Variants in LPCAT2 observed in about 807,000 individuals in gnomAD.
The protein encoded by LPCAT2 is lysophosphatidylcholine acyltransferase 2, also known as 1-AGP acyltransferase 11.
A neutral mutation model predicts 64.7 loss-of-function variants in LPCAT2; 58 were observed. The observed-to-expected ratio is 0.90, with a 90% CI of 0.73 to 1.12. The LOEUF (loss-of-function observed/expected upper bound fraction) is 1.12. Among genes scored for constraint, LPCAT2 ranks in the 50% most tolerant of loss-of-function variants. LPCAT2 has a pLI of 0.00. For missense variants in LPCAT2, 579 were observed against 669.8 expected (o/e 0.86, Z 1.50); for synonymous variants, 252 against 245.3 (o/e 1.03, Z -0.26).
chr16:55,550,687 A>C (rs2142399497), intron 10 of LPCAT2, among the ~76,000 whole-genome samples: 1 of 152,306 alleles, frequency 6.6e-6, no homozygotes. Context: ...AGGCCGAGGC[A>C]GGCGGATCAC....
intron 8 of LPCAT2, chr16:55,539,247 C>CTTTTTTTTTTTTTTTTTTTTTTT (rs11314938): frequency 7.3e-6 from 1 of 136,196 alleles, no homozygotes; most frequent in South Asian, 2.3e-4. Flanking sequence ...TCATGGCTTT[C>CTTTTTTTTTTTTTTTTTTTTTTT]TTTTTTTTTT....
chr16:55,559,870 A>G (rs1963617482), intron 11 of LPCAT2, among the ~76,000 whole-genome samples: 1 of 151,484 alleles, frequency 6.6e-6, no homozygotes, highest in African/African-American at 2.4e-5. Context: ...ATGTCTGAGT[A>G]TTTCCCTATT....
intron 11 of LPCAT2, chr16:55,567,629 A>G (rs1963721402): frequency 2.2e-6 from 2 of 924,048 alleles, no homozygotes; most frequent in Admixed American, 2.5e-5. Context: ...ACAACCCTAC[A>G]TATTTCTGAT....
intron 7 of LPCAT2, 65 bp from the exon 8 acceptor site, chr16:55,537,513 G>A (rs1399281529): frequency 1.6e-6 from 2 of 1,283,986 alleles, no homozygotes; most frequent in African/African-American, 1.5e-5. Context: ...AGAAATGATT[G>A]TTGAATAATA....
intron 1 of LPCAT2, among the ~76,000 whole-genome samples, chr16:55,512,365 CA>C (rs2142386011): frequency 6.6e-6 from 1 of 152,244 alleles, no homozygotes; most frequent in Non-Finnish European, 1.5e-5. Flanking sequence ...TAGAGCAACA[CA>C]AATCAGACAG....
chr16:55,583,115 A>G lies in LPCAT2; in HGVS notation c.*17A>G, dbSNP rs1365937728. ...GATGACTGAAAGCAGTATTTCCAAT[A>G]AGGAAAACACAGTAGCTTTTGCTTG... On this transcript the variant is annotated 3_prime_UTR_variant, in exon 14 of 14. Coordinates refer to ENST00000262134, the MANE Select transcript of LPCAT2 (RefSeq NM_017839.5). The G allele has an allele frequency of 6.2e-7, 1 of 1,600,784 alleles. No homozygotes were observed. Among genetic ancestry groups the G allele is most frequent in the African/African-American group, 1.3e-5 (1 of 74,542 alleles).
chr16:55,570,419 T>C (rs1412641105), intron 11 of LPCAT2, among the ~76,000 whole-genome samples: 1 of 151,990 alleles, frequency 6.6e-6, no homozygotes, highest in Non-Finnish European at 1.5e-5. Context: ...AGCCCAGTAG[T>C]TCAAGACTAG....
intron 11 of LPCAT2, chr16:55,566,632 C>T (rs1206627087): frequency 1.8e-5 from 17 of 956,696 alleles, no homozygotes; most frequent in Non-Finnish European, 2.4e-5. Context: ...CATCATGGGG[C>T]GTGGTGCAGT....
At chr16:55,545,994 C>T (rs778193501) in intron 9 of LPCAT2, among the ~76,000 whole-genome samples, 177 bp downstream of exon 9, 1 of 152,034 alleles carries the variant, frequency 6.6e-6, no homozygotes. Context: ...TAAGTATTTT[C>T]CCCAGCTGCA....
chr16:55,574,417 A>G (rs1202523387), intron 11 of LPCAT2, among the ~76,000 whole-genome samples: 2 of 152,184 alleles, frequency 1.3e-5, no homozygotes, highest in Non-Finnish European at 2.9e-5. Flanking sequence ...CCAGTCATAA[A>G]AAGTTTATAT....
rs754089996 is a variant in LPCAT2, at chr16:55,574,704, A to G, written c.1289A>G (p.Glu430Gly). The G allele has an allele frequency of 3.1e-6, 5 of 1,613,340 alleles. No homozygotes were observed. Among genetic ancestry groups the G allele is most frequent in the Non-Finnish European group, 4.2e-6 (5 of 1,179,556 alleles). ...GTCTTGTGCAACCCTTCCAACACAGAGGAGATCATCCAGGTGGCATTTAAG... is the reference window on the plus strand; with the variant it reads ...GTCTTGTGCAACCCTTCCAACACAGGGGAGATCATCCAGGTGGCATTTAAG... The part of the protein sequence containing the change: ...LAVLCNPSNT[E>G]EIIQVAFKLF... The change falls in exon 12 of 14, where the codon GAG becomes GGG. Residue 430 changes from glutamate (E) to glycine (G), a missense_variant. Glu to Gly is a moderately conservative substitution (Grantham distance 98). Coordinates refer to ENST00000262134, the MANE Select transcript of LPCAT2 (RefSeq NM_017839.5).
chr16:55,562,684 T>G (rs1384863382), intron 11 of LPCAT2, among the ~76,000 whole-genome samples: 1 of 151,952 alleles, frequency 6.6e-6, no homozygotes, highest in Non-Finnish European at 1.5e-5. Flanking sequence ...ACCTAAGTAC[T>G]GAGCCCAAGT....
chr16:55,537,391 CAA>C (rs527990765), intron 7 of LPCAT2, among the ~76,000 whole-genome samples, 185 bp from the exon 8 acceptor site: 1 of 144,096 alleles, frequency 6.9e-6, no homozygotes, highest in African/African-American at 2.7e-5. Flanking sequence ...ACCCTGTCCC[CAA>C]AAAAAAAAAA....
At chr16:55,549,784 G>A (rs1963495039) in intron 10 of LPCAT2, among the ~76,000 whole-genome samples, 1 of 152,094 alleles carries the variant, frequency 6.6e-6, no homozygotes, top group African/African-American at 2.4e-5. Context: ...GAATTGATTT[G>A]TATAGTTGCA....
chr16:55,536,469 A>C (rs1462888194), intron 7 of LPCAT2, among the ~76,000 whole-genome samples: 2 of 152,224 alleles, frequency 1.3e-5, no homozygotes, highest in Non-Finnish European at 2.9e-5. Context: ...GATTGACTTT[A>C]GAGTTTATAG....
intron 6 of LPCAT2, 78 bp from the exon 7 acceptor site, chr16:55,534,365 C>A: frequency 1.2e-6 from 1 of 825,856 alleles, no homozygotes; most frequent in African/African-American, 1.7e-5. Context: ...TACATGAATC[C>A]CCATATTAAA....
intron 1 of LPCAT2, among the ~76,000 whole-genome samples, chr16:55,511,964 G>A (rs1219065071): frequency 1.3e-5 from 2 of 152,088 alleles, no homozygotes; most frequent in East Asian, 3.9e-4. Flanking sequence ...AGTGACTTGG[G>A]AATTTGAGTC....
Position 55,525,665 on chromosome 16 carries a change from C to A in LPCAT2, c.311+18C>A. On this transcript the variant is annotated intron_variant, in intron 2 of 13. Coordinates refer to ENST00000262134, the MANE Select transcript of LPCAT2 (RefSeq NM_017839.5). ...TGGAGGAGGTAAGAAATAATTTTGT[C>A]CAAAATATTAGGACATAATATTAAA... The A allele has an allele frequency of 1.3e-6, 2 of 1,583,490 alleles. No homozygotes were observed. The highest frequency in any genetic ancestry group is 1.7e-6 in the Non-Finnish European group (2 of 1,165,950).
At chr16:55,526,427 A>C (rs1169861180) in intron 2 of LPCAT2, among the ~76,000 whole-genome samples, 5 of 152,160 alleles carry the variant, frequency 3.3e-5, no homozygotes, top group Admixed American at 2.6e-4. Flanking sequence ...ATTGTTGCCA[A>C]ATTTTTATAT....
Sources: allele counts gnomAD v4.1 joint callset (sites outside exome capture counted in the v4.1 genomes callset), GRCh38; gene constraint gnomAD v4.1.1; transcripts MANE v1.5; gene names NCBI Gene and HGNC (gene_info 2026-07-23, HGNC 2026-07-21).